The following KANK2 variants were observed in gnomAD, a reference collection of about 807,000 sequenced individuals.
KANK2 encodes the protein KN motif and ankyrin repeat domain-containing protein 2.
In KANK2, 41 loss-of-function variants were observed where a neutral mutation model predicts 74.6. That is an observed-to-expected ratio of 0.55 (90% confidence interval 0.43 to 0.71). The LOEUF (loss-of-function observed/expected upper bound fraction) is 0.71, where lower values mean the gene tolerates loss of function less well. KANK2 is among the 30% of genes least tolerant of loss of function. The pLI, the probability that KANK2 is intolerant of heterozygous loss-of-function variation, is 0.00. For synonymous variants in KANK2, 537 were observed against 519.0 expected, an observed-to-expected ratio of 1.03 and a Z score of -0.47; for missense variants, 1,148 against 1,196.4, an observed-to-expected ratio of 0.96 and a Z score of 0.60.
chr19:11,172,710 A>T (rs1026785698), intron 10 of KANK2, among the ~76,000 whole-genome samples: 2 of 152,124 alleles, frequency 1.3e-5, no homozygotes, highest in African/African-American at 4.8e-5. Flanking sequence ...CTTGTTCGCC[A>T]TTTCAGTCCC....
At chr19:11,167,845 C>T (rs1028452119) in intron 12 of KANK2, among the ~76,000 whole-genome samples, 2 of 151,492 alleles carry the variant, frequency 1.3e-5, no homozygotes, top group Non-Finnish European at 2.9e-5. Flanking sequence ...TCCTTAAACA[C>T]GTCAGACACA....
At position 11,175,934 on chromosome 19, in the gene KANK2, C is replaced by T; in HGVS notation, c.1816G>A (p.Asp606Asn). The T allele has an allele frequency of 6.2e-7, 1 of 1,613,920 alleles. No homozygotes were observed. The change falls in exon 8 of 13, where the codon GAC (aspartate) becomes AAC (asparagine). Residue 606 changes from aspartate (D) to asparagine (N), a missense_variant. Physicochemically the swap from Asp to Asn is conservative, Grantham distance 23. Coordinates refer to ENST00000586659, the MANE Select transcript of KANK2 (RefSeq NM_001136191.3). ...SACLALEKYL[D>N]NPNALTEREL... ...CGCTCTGTGAGGGCGTTGGGATTGTCCAGGTACTTTTCCAGGGCCAAGCAG... is the reference window on the plus strand; with the variant it reads ...CGCTCTGTGAGGGCGTTGGGATTGTTCAGGTACTTTTCCAGGGCCAAGCAG...
At chr19:11,195,978 G>A (rs1303822990) in intron 1 of KANK2, 158 bp from the exon 2 acceptor site, 7 of 151,044 alleles carry the variant, frequency 4.6e-5, no homozygotes, top group East Asian at 2.0e-4. Context: ...TGGAATAGCC[G>A]AGCGGGGTGG....
In KANK2 at chr19:11,165,889, A is replaced by G. The variant is rs1023672285; in HGVS notation, c.*669T>C. The G allele has an allele frequency of 6.6e-6, 1 of 152,122 alleles. No homozygotes were observed. The highest frequency in any genetic ancestry group is 1.5e-5 in the Non-Finnish European group (1 of 68,044). The allele number at this position is 152,122 out of a possible 1,614,324, so 9.4% of individuals were successfully genotyped here. A position where few individuals can be genotyped will look rare whatever the true frequency, so the allele number is the denominator to read the frequency against. On this transcript the variant is annotated 3_prime_UTR_variant, in exon 13 of 13. Transcript: ENST00000586659. ...CATTGTGAATTGATTGGGTCCCTGT[A>G]AGTCACAGAGCCTGTCCTGAGTCCC...
chr19:11,182,310 G>A (rs1041483400), intron 4 of KANK2, among the ~76,000 whole-genome samples: 7 of 151,816 alleles, frequency 4.6e-5, no homozygotes, highest in African/African-American at 1.7e-4. Context: ...TTGAGGCCAG[G>A]AGTTCAAGAC....
rs567298365 is a variant in KANK2, at chr19:11,171,214, T to C, written c.2212-966A>G. The stretch of plus-strand genomic sequence containing the variant: ...GAGTTAGAGATCAGTCTGGGCAACA[T>C]AGCGAGACCATGTCTCTAGTAAAAA... On this transcript the variant is annotated intron_variant, in intron 10 of 12. Coordinates refer to ENST00000586659, the MANE Select transcript of KANK2 (RefSeq NM_001136191.3). Among the ~76,000 whole-genome samples the C allele has an allele frequency of 7.2e-5, 11 of 152,088 alleles. No homozygotes were observed. The East Asian group carries it at 1.7e-3, about 24-fold the overall frequency.
chr19:11,173,245 G>GTGGGGTCCTCTGA, intron 9 of KANK2, 122 bp from the exon 10 acceptor site: 2 of 1,018,728 alleles, frequency 2.0e-6, no homozygotes, highest in Non-Finnish European at 2.8e-6. Flanking sequence ...TTTTCTCAGA[G>GTGGGGTCCTCTGA]GACCCCACTC....
At chr19:11,192,794 C>CA (rs58206854) in intron 4 of KANK2, 37 bp downstream of exon 4, 9 of 1,593,568 alleles carry the variant, frequency 5.6e-6, no homozygotes, top group East Asian at 2.3e-5. Context: ...CCCCCCCCCC[C>CA]CAAGCCATTC....
chr19:11,195,275 T>C (rs2078985256), intron 2 of KANK2: 3 of 151,772 alleles, frequency 2.0e-5, no homozygotes, highest in Admixed American at 2.0e-4. Context: ...GCAGTAGGGA[T>C]AGAGGGCCGG....
At chr19:11,181,236 TTTATTATTATTA>T (rs200654235) in intron 4 of KANK2, among the ~76,000 whole-genome samples, 10 of 148,074 alleles carry the variant, frequency 6.8e-5, no homozygotes, top group East Asian at 5.9e-4. Flanking sequence ...GTTGTCAAGA[TTTATTATTATTA>T]TTATTATTAT....
At position 11,178,554 on chromosome 19, in the gene KANK2, G is replaced by A. The variant is rs775104499; in HGVS notation, c.1416C>T (p.Thr472=). The A allele has an allele frequency of 1.0e-5, 16 of 1,603,458 alleles. 2 individuals are homozygous for A. Among genetic ancestry groups the A allele is most frequent in the Middle Eastern group, 1.7e-4 (1 of 6,036 alleles). ...ASQESEEAGG[T]GGPPAGVRSI... Reference sequence around the variant, plus strand: ...TCTTGGCGGCCACCCACCACTTACCGGTGCCCCCGGCCTCCTCGGACTCTT... The same window carrying A: ...TCTTGGCGGCCACCCACCACTTACCAGTGCCCCCGGCCTCCTCGGACTCTT... The change falls in exon 5 of 13, where the codon ACC becomes ACT. Residue 472 remains threonine (T), a splice_region_variant and synonymous_variant. Transcript: ENST00000586659.
chr19:11,193,899 G>C lies in KANK2; in HGVS notation c.181C>G (p.Arg61Gly), dbSNP rs747769949. Residue 61 changes from arginine (R) to glycine (G), a missense_variant, in exon 4 of 13, where the codon CGC becomes GGC. Arg to Gly is a moderately radical substitution (Grantham distance 125, BLOSUM62 -2). Coordinates refer to ENST00000586659, the MANE Select transcript of KANK2 (RefSeq NM_001136191.3). This position sits in a 1 kb window ranked among gnomAD's most constrained non-coding sequence, Gnocchi z 9.6. ...DDIEKGHTLR[R>G]VAVQRRPRLS... Reference sequence around the variant, plus strand: ...CGGGGGCGGCGCTGCACTGCCACGCGTCGCAGCGTGTGGCCCTTCTCGATG... The same window carrying C: ...CGGGGGCGGCGCTGCACTGCCACGCCTCGCAGCGTGTGGCCCTTCTCGATG... The C allele has an allele frequency of 6.2e-7, 1 of 1,613,784 alleles. No homozygotes were observed. Among genetic ancestry groups the C allele is most frequent in the Non-Finnish European group, 8.5e-7 (1 of 1,179,974 alleles).
Position 11,193,964 on chromosome 19 carries a change from C to A in KANK2, c.116G>T (p.Gly39Val). The A allele has an allele frequency of 6.2e-7, 1 of 1,614,026 alleles. No homozygotes were observed. The highest frequency in any genetic ancestry group is 8.5e-7 in the Non-Finnish European group (1 of 1,179,978). ...DPPYSVETPY[G>V]YRLDLDFLKY... ...GAGGAAGTCCAGGTCCAGGCGGTAGCCATAGGGGGTCTCCACGGAGTAGGG... is the reference window on the plus strand; with the variant it reads ...GAGGAAGTCCAGGTCCAGGCGGTAGACATAGGGGGTCTCCACGGAGTAGGG... Residue 39 changes from glycine (G) to valine (V), a missense_variant, in exon 4 of 13, where the codon GGC becomes GTC. By Grantham distance (109) the Gly-to-Val change is moderately radical. Coordinates refer to ENST00000586659, the MANE Select transcript of KANK2 (RefSeq NM_001136191.3). The surrounding 1 kb of genome is among the most constrained non-coding windows in gnomAD (Gnocchi z 9.6).
At chr19:11,182,574 T>C (rs1600816551) in intron 4 of KANK2, among the ~76,000 whole-genome samples, 1 of 144,252 alleles carries the variant, frequency 6.9e-6, no homozygotes, top group Admixed American at 7.2e-5. Context: ...CCAGGCGCGG[T>C]GGCTCACGAT....
chr19:11,179,022 A>G (rs911485126), intron 4 of KANK2, among the ~76,000 whole-genome samples: 3 of 152,150 alleles, frequency 2.0e-5, no homozygotes, highest in African/African-American at 7.2e-5. Context: ...GTGATCGCTA[A>G]AAATAAGGTT....
chr19:11,178,297 A>C, intron 6 of KANK2, 48 bp downstream of exon 6: 1 of 1,005,894 alleles, frequency 9.9e-7, no homozygotes, highest in Non-Finnish European at 1.3e-6. Context: ...GGATGAATGG[A>C]GGAGGGGCGG....
At chr19:11,197,861 G>T (rs1005441962), upstream of KANK2, 2 of 152,016 alleles carry the variant, frequency 1.3e-5, no homozygotes, top group Admixed American at 6.6e-5. Context: ...GCGGCGGGAG[G>T]GGGTGGAGCT....
Position 11,170,097 on chromosome 19 carries a change from G to A in KANK2, c.2363C>T (p.Ala788Val), listed in dbSNP as rs539531548. Residue 788 changes from alanine to valine, a missense_variant, in exon 11 of 13, where the codon GCG (alanine) becomes GTG (valine). Transcript: ENST00000586659. The surrounding 1 kb of genome is among the most constrained non-coding windows in gnomAD (Gnocchi z 5.2). Reference protein sequence around the residue: ...CACEHGHKEIAGLLLAVPSCD... With the variant: ...CACEHGHKEIVGLLLAVPSCD... ...GCTGGGCACGGCCAGCAGCAGCCCC[G>A]CGATCTCCTTGTGGCCGTGCTCACA... The A allele has an allele frequency of 1.7e-5, 28 of 1,613,416 alleles. No homozygotes were observed. The highest frequency in any genetic ancestry group is 3.3e-4 in the Middle Eastern group (2 of 6,082).
rs558411921 is a variant in KANK2 at position 11,176,861 on chromosome 19, TGAGAAATGGTGGGAA to T, written c.1521-59_1521-45del. ...GGAGGGGGAGATGCTGCAGGTGGGATGAGAAATGGTGGGAAAGGAAGGCAGGGATCTGGTGATCTG... is the reference window on the plus strand; with the variant it reads ...GGAGGGGGAGATGCTGCAGGTGGGATAGGAAGGCAGGGATCTGGTGATCTG... On this transcript the variant is annotated intron_variant, in intron 6 of 12. Transcript: ENST00000586659. 1.5e-5 allele frequency: 22 copies of T among 1,482,086 alleles called. No homozygotes were observed. The East Asian group carries it at 5.3e-4, about 35-fold the overall frequency. The allele number at this position is 1,482,086 out of a possible 1,614,324, so 91.8% of individuals were successfully genotyped here.
Sources: gnomAD v4.1 joint callset for allele counts (sites outside exome capture counted in the v4.1 genomes callset) on GRCh38, gnomAD v4.1.1 for gene constraint, Gnocchi (gnomAD v3.1) non-coding constraint, MANE v1.5 for transcripts, NCBI Gene and HGNC (gene_info 2026-07-23, HGNC 2026-07-21) for gene names.